The following ARHGAP6 variants were observed in gnomAD, a reference collection of about 807,000 sequenced individuals.
ARHGAP6 encodes the protein Rho GTPase activating protein 6.
ARHGAP6 carries 16 observed loss-of-function variants against 55.7 expected under a neutral mutation model. The ratio of observed to expected loss-of-function variants is 0.29; its 90% CI spans 0.19 to 0.44. ARHGAP6 has a LOEUF of 0.44. Among genes scored for constraint, ARHGAP6 ranks in the 20% least tolerant of loss-of-function variants. ARHGAP6 has a pLI of 1.00. For missense variants in ARHGAP6, 698 were observed against 808.9 expected, an observed-to-expected ratio of 0.86 and a Z score of 1.66; for synonymous variants, 382 against 360.9, an observed-to-expected ratio of 1.06 and a Z score of -0.66.
At chrX:11,160,172 G>A (rs2045921447) in intron 9 of ARHGAP6, among the ~76,000 whole-genome samples, 2 of 110,533 alleles carry the variant, frequency 1.8e-5, no homozygotes, top group Non-Finnish European at 3.8e-5. Flanking sequence ...TTTCGTGGCT[G>A]GGTGCGGTGG....
At chrX:11,208,846 C>T (rs2147383992) in intron 2 of ARHGAP6, among the ~76,000 whole-genome samples, 1 of 112,041 alleles carries the variant, frequency 8.9e-6, no homozygotes, top group African/African-American at 3.2e-5. Flanking sequence ...CATGTTTCCT[C>T]ACCTCACTGC....
At chrX:11,408,344 A>G (rs755295116) in intron 1 of ARHGAP6, among the ~76,000 whole-genome samples, 1 of 111,533 alleles carries the variant, frequency 9.0e-6, no homozygotes, top group African/African-American at 3.3e-5. Flanking sequence ...GTGAACTACA[A>G]TATTGGTTAT....
At chrX:11,318,777 T>C (rs1488397835) in intron 1 of ARHGAP6, 1 of 113,384 alleles carries the variant, frequency 8.8e-6, no homozygotes, top group African/African-American at 3.2e-5. Flanking sequence ...TAGGATATTG[T>C]TGGCTTCAAA....
Position 11,488,585 on chromosome X carries a change from G to T in ARHGAP6, c.588+175656C>A, listed in dbSNP as rs368361671. On this transcript the variant is annotated intron_variant, in intron 1 of 12. Coordinates refer to ENST00000337414, the MANE Select transcript of ARHGAP6 (RefSeq NM_013427.3). ...CAGACCAGTACCAGTCCATGGCCTG[G>T]TACTGGTATGGTTAGGAACCGGGCC... Among the ~76,000 whole-genome samples the T allele has an allele frequency of 1.6e-4, 18 of 110,754 alleles. 1 individual carries two copies. In the East Asian group the frequency reaches 4.0e-3, roughly 24 times the overall value.
intron 1 of ARHGAP6, among the ~76,000 whole-genome samples, chrX:11,639,115 A>AGAAAAAACATAAGTCTGAAACAAGG (rs1166979244): frequency 1.8e-5 from 2 of 111,752 alleles, no homozygotes; most frequent in African/African-American, 3.3e-5. Flanking sequence ...AATGGAAGGG[A>AGAAAAAACATAAGTCTGAAACAAGG]GAAAAAACAT....
At chrX:11,252,903 G>A (rs1339972719) in intron 2 of ARHGAP6, among the ~76,000 whole-genome samples, 5 of 111,772 alleles carry the variant, frequency 4.5e-5, no homozygotes, top group Admixed American at 1.9e-4. Flanking sequence ...GCCTCCTACC[G>A]CAGAGGCAAG....
chrX:11,645,905 T>C (rs1019375028), intron 1 of ARHGAP6, among the ~76,000 whole-genome samples: 2 of 112,243 alleles, frequency 1.8e-5, no homozygotes, highest in Admixed American at 1.9e-4. Flanking sequence ...AATGATGTTA[T>C]TAATGCTTAA....
At chrX:11,338,366 G>A (rs1737436894) in intron 1 of ARHGAP6, among the ~76,000 whole-genome samples, 1 of 111,654 alleles carries the variant, frequency 9.0e-6, no homozygotes, top group African/African-American at 3.3e-5. Flanking sequence ...GAAAATTTAT[G>A]TCAGGTAGAG....
Position 11,434,123 on chromosome X carries a change from G to T in ARHGAP6, c.589-179416C>A, listed in dbSNP as rs190634006. ...GTGTCACTTGCATCCAGTGGGTGGAGACCAGAGATGCTGCTAAACATCCTG... is the reference window on the plus strand; with the variant it reads ...GTGTCACTTGCATCCAGTGGGTGGATACCAGAGATGCTGCTAAACATCCTG... On this transcript the variant is annotated intron_variant, in intron 1 of 12. Coordinates refer to ENST00000337414, the MANE Select transcript of ARHGAP6 (RefSeq NM_013427.3). 1.1e-3 allele frequency among the ~76,000 whole-genome samples: 126 copies of T among 112,062 alleles called. 4 individuals are homozygous for T. In the East Asian group the frequency reaches 0.023, roughly 20 times the overall value.
chrX:11,455,558 A>G, intron 1 of ARHGAP6, among the ~76,000 whole-genome samples: 1 of 112,406 alleles, frequency 8.9e-6, no homozygotes, highest in East Asian at 2.8e-4. Flanking sequence ...GGAAAAAATA[A>G]AAAGGAGTCT....
chrX:11,576,680 C>T lies in ARHGAP6; in HGVS notation c.588+87561G>A, dbSNP rs745740038. Reference sequence around the variant, plus strand: ...GAAGCAGATGCTGAAGCAACAATTCCTGAACAAATGGTTTATTTAGGAGGG... The same window carrying T: ...GAAGCAGATGCTGAAGCAACAATTCTTGAACAAATGGTTTATTTAGGAGGG... On this transcript the variant is annotated intron_variant, in intron 1 of 12. Transcript: ENST00000337414. 2.1e-4 allele frequency among the ~76,000 whole-genome samples: 24 copies of T among 112,262 alleles called. No homozygotes were observed. The South Asian group carries it at 8.1e-3, about 38-fold the overall frequency.
At chrX:11,410,133 C>T (rs2049661984) in intron 1 of ARHGAP6, among the ~76,000 whole-genome samples, 1 of 111,809 alleles carries the variant, frequency 8.9e-6, no homozygotes, top group South Asian at 3.7e-4. Flanking sequence ...TATATACCCA[C>T]GAGAAGTGAA....
At chrX:11,572,910 G>A (rs1416974725) in intron 1 of ARHGAP6, among the ~76,000 whole-genome samples, 1 of 111,956 alleles carries the variant, frequency 8.9e-6, no homozygotes, top group African/African-American at 3.2e-5. Context: ...ATCTCATTGT[G>A]GTTTTGATTT....
At chrX:11,528,536 A>T (rs752315272) in intron 1 of ARHGAP6, among the ~76,000 whole-genome samples, 1 of 112,369 alleles carries the variant, frequency 8.9e-6, no homozygotes, top group African/African-American at 3.2e-5. Context: ...CAAATGCAGG[A>T]AACTATAGCA....
intron 5 of ARHGAP6, among the ~76,000 whole-genome samples, chrX:11,182,959 G>A (rs766356477): frequency 9.0e-6 from 1 of 110,890 alleles, no homozygotes; most frequent in Non-Finnish European, 1.9e-5. Context: ...CATGAATGTA[G>A]GTATTTTTAC....
chrX:11,229,441 A>G (rs1399803784), intron 2 of ARHGAP6, among the ~76,000 whole-genome samples: 1 of 112,134 alleles, frequency 8.9e-6, no homozygotes, highest in Non-Finnish European at 1.9e-5. Context: ...TTTTATTAAC[A>G]TTTATGTATG....
intron 1 of ARHGAP6, among the ~76,000 whole-genome samples, chrX:11,595,899 G>C (rs148162636): frequency 3.2e-4 from 36 of 111,227 alleles, no homozygotes; most frequent in African/African-American, 1.1e-3. Context: ...TTAGAATGGC[G>C]ATCATTGAAA....
In ARHGAP6 at chrX:11,144,110, C is replaced by T; in HGVS notation, c.2046G>A (p.Leu682=). ...CCGGGGCCGCGTCCTCTTGCATAGC[C>T]AGCAGGGAGCGCTCAGACAGCACTG... is the stretch of plus-strand genomic sequence containing the variant. ...NSPVLSERSL[L]AMQEDAAPGG... The change falls in exon 11 of 13, where the codon CTG becomes CTA. Residue 682 remains leucine (L), a synonymous_variant. Transcript: ENST00000337414. 1 of 1,211,341 alleles carries T rather than the reference C, an allele frequency of 8.3e-7. No homozygotes were observed. Among genetic ancestry groups the T allele is most frequent in the Non-Finnish European group, 1.1e-6 (1 of 895,190 alleles).
chrX:11,232,327 A>G (rs1373097181), intron 2 of ARHGAP6, among the ~76,000 whole-genome samples: 1 of 111,772 alleles, frequency 8.9e-6, no homozygotes, highest in Non-Finnish European at 1.9e-5. Context: ...AAGCAAGTAA[A>G]TGGTAAAGAC....
Sources: gnomAD v4.1 joint callset for allele counts (sites outside exome capture counted in the v4.1 genomes callset) on GRCh38, gnomAD v4.1.1 for gene constraint, MANE v1.5 for transcripts, NCBI Gene and HGNC (gene_info 2026-07-23, HGNC 2026-07-21) for gene names.